The following STX2 variants were observed in gnomAD, a reference collection of about 807,000 sequenced individuals.
STX2 encodes syntaxin 2.
In STX2, 27 loss-of-function variants were observed where a neutral mutation model predicts 40.6. That is an observed-to-expected ratio of 0.66 (90% CI 0.49 to 0.92). STX2 has a LOEUF of 0.92. Ranked by LOEUF, STX2 falls within the 40% of genes least tolerant of loss-of-function variation. STX2 has a pLI of 0.00. For synonymous variants in STX2, 123 were observed against 119.1 expected (o/e 1.03, Z -0.22); for missense variants, 328 against 366.1 (o/e 0.90, Z 0.85).
chr12:130,808,634 G>T lies in STX2; in HGVS notation c.351C>A (p.Thr117=), dbSNP rs1422861576. The T allele has an allele frequency of 6.2e-7, 1 of 1,612,574 alleles. No individual in the cohort carries two copies. Among genetic ancestry groups the T allele is most frequent in the South Asian group, 1.1e-5 (1 of 90,540 alleles). ...RTSVDLRIRR[T]QHSVLSRKFV... Reference sequence around the variant, plus strand: ...CTAAACGAGGCTGATAGCAAACCTGGGTTCTTCGTATCCGAAGATCCACTG... The same window carrying T: ...CTAAACGAGGCTGATAGCAAACCTGTGTTCTTCGTATCCGAAGATCCACTG... The change falls in exon 5 of 11, where the codon ACC becomes ACA. Residue 117 remains threonine, a synonymous_variant. Transcript: ENST00000392373.
At chr12:130,810,843 CT>C (rs902536052) in intron 4 of STX2, 7 of 152,306 alleles carry the variant, frequency 4.6e-5, no homozygotes, top group Admixed American at 4.6e-4. Flanking sequence ...CCTCCATGAT[CT>C]GTGACCCAGA....
intron 5 of STX2, among the ~76,000 whole-genome samples, chr12:130,807,779 T>C (rs1951496655): frequency 6.6e-6 from 1 of 152,200 alleles, no homozygotes; most frequent in South Asian, 2.1e-4. Context: ...CTATAAATAC[T>C]GTGAAAGGAA....
At chr12:130,831,435 T>TG (rs536777633) in intron 1 of STX2, among the ~76,000 whole-genome samples, 263 of 152,294 alleles carry the variant, frequency 1.7e-3, no homozygotes, top group Middle Eastern at 0.014. Context: ...GAGGCTTAAC[T>TG]GGGAGGATCA....
At chr12:130,836,755 T>A (rs992456887) in intron 1 of STX2, among the ~76,000 whole-genome samples, 3 of 152,196 alleles carry the variant, frequency 2.0e-5, no homozygotes, top group African/African-American at 7.2e-5. Context: ...CCATTTCACG[T>A]ACAAGAAAAA....
chr12:130,809,382 C>G (rs982845246), intron 4 of STX2, among the ~76,000 whole-genome samples: 4 of 151,994 alleles, frequency 2.6e-5, no homozygotes, highest in African/African-American at 9.7e-5. Context: ...AGCTAGACTC[C>G]GAATATGTTT....
chr12:130,821,624 TGCC>T, intron 3 of STX2, 62 bp downstream of exon 3: 1 of 1,320,620 alleles, frequency 7.6e-7, no homozygotes, highest in Non-Finnish European at 1.1e-6. Context: ...TTGAGGCCTG[TGCC>T]GCAGACAGCC....
intron 4 of STX2, 47 bp from the exon 5 acceptor site, chr12:130,808,751 A>C (rs775633684): frequency 3.3e-6 from 5 of 1,506,734 alleles, no homozygotes; most frequent in Non-Finnish European, 4.6e-6. Flanking sequence ...AAAAATGAAA[A>C]TGTTCCAAGC....
chr12:130,828,334 G>A (rs1219248450), intron 1 of STX2, among the ~76,000 whole-genome samples: 2 of 149,244 alleles, frequency 1.3e-5, no homozygotes, highest in Admixed American at 6.7e-5. Flanking sequence ...TTCAAGTAAT[G>A]CTTATGCCCC....
rs538518467 is a variant in STX2 at position 130,827,767 on chromosome 12, C to T, written c.31-500G>A. On this transcript the variant is annotated intron_variant, in intron 1 of 10. Transcript: ENST00000392373. ...TGTCTCTACAAAAAATTAGCTGGGCCTAGTGGCCCATGCCTGTGGTCCCAG... is the reference window on the plus strand; with the variant it reads ...TGTCTCTACAAAAAATTAGCTGGGCTTAGTGGCCCATGCCTGTGGTCCCAG... 6.6e-5 allele frequency among the ~76,000 whole-genome samples: 10 copies of T among 152,252 alleles called. No individual in the cohort carries two copies. The South Asian group carries it at 8.3e-4, about 13-fold the overall frequency.
intron 1 of STX2, among the ~76,000 whole-genome samples, chr12:130,838,799 C>T (rs1305175657): frequency 6.6e-6 from 1 of 152,074 alleles, no homozygotes; most frequent in African/African-American, 2.4e-5. Context: ...CCTCCTGCCC[C>T]AACCCGCCCT....
At chr12:130,828,692 C>T (rs1194827386) in intron 1 of STX2, among the ~76,000 whole-genome samples, 6 of 151,152 alleles carry the variant, frequency 4.0e-5, no homozygotes, top group African/African-American at 1.2e-4. Context: ...CGGTGAAACC[C>T]TGTCTCTACT....
chr12:130,802,224 G>T (rs1951256258), intron 6 of STX2, among the ~76,000 whole-genome samples: 1 of 152,188 alleles, frequency 6.6e-6, no homozygotes, highest in African/African-American at 2.4e-5. Context: ...TTGAGACAGG[G>T]TCTCACTCTG....
chr12:130,802,939 T>C (rs1486013536), intron 6 of STX2, among the ~76,000 whole-genome samples: 1 of 152,224 alleles, frequency 6.6e-6, no homozygotes, highest in Non-Finnish European at 1.5e-5. Flanking sequence ...TGCAGTTGTC[T>C]TGGGCTAGGA....
chr12:130,821,357 C>G (rs975705565), intron 3 of STX2, among the ~76,000 whole-genome samples: 1 of 152,204 alleles, frequency 6.6e-6, no homozygotes, highest in Admixed American at 6.5e-5. Flanking sequence ...TGATTCACTG[C>G]CCTCTGAACA....
chr12:130,794,322 C>T (rs771232640), intron 10 of STX2, among the ~76,000 whole-genome samples: 11 of 149,992 alleles, frequency 7.3e-5, no homozygotes, highest in Admixed American at 1.3e-4. Context: ...TAAAAATAGA[C>T]GGTAAGAGAG....
At chr12:130,817,686 A>C (rs1414446087) in intron 3 of STX2, among the ~76,000 whole-genome samples, 1 of 152,036 alleles carries the variant, frequency 6.6e-6, no homozygotes, top group Non-Finnish European at 1.5e-5. Context: ...AAGACCAAAA[A>C]CCAAATATCT....
intron 2 of STX2, among the ~76,000 whole-genome samples, chr12:130,826,494 C>G (rs1952313964): frequency 6.6e-6 from 1 of 152,326 alleles, no homozygotes; most frequent in African/African-American, 2.4e-5. Flanking sequence ...GGCCCCAACC[C>G]ACGCGGAGGC....
intron 4 of STX2, 48 bp downstream of exon 4, chr12:130,812,909 T>C (rs759617680): frequency 7.9e-7 from 1 of 1,260,036 alleles, no homozygotes; most frequent in Non-Finnish European, 1.1e-6. Context: ...AAATAACAAA[T>C]ACCCATACTC....
chr12:130,812,834 T>C, intron 4 of STX2, 123 bp downstream of exon 4: 1 of 691,992 alleles, frequency 1.4e-6, no homozygotes. Flanking sequence ...TACAAATAAT[T>C]TATTTTAAAG....
Sources: gnomAD v4.1 joint callset for allele counts (sites outside exome capture counted in the v4.1 genomes callset) on GRCh38, gnomAD v4.1.1 for gene constraint, MANE v1.5 for transcripts, NCBI Gene and HGNC (gene_info 2026-07-23, HGNC 2026-07-21) for gene names.